Variants in SIAH3 observed in about 807,000 individuals in gnomAD.
SIAH3 encodes seven in absentia homolog 3.
SIAH3 carries 9 observed loss-of-function variants against 12.6 expected under a neutral mutation model. The observed-to-expected ratio is 0.72, with a 90% CI of 0.43 to 1.25. SIAH3 has a LOEUF of 1.25. SIAH3 is among the 50% of genes most tolerant of loss of function. The pLI, the probability that SIAH3 is intolerant of heterozygous loss-of-function variation, is 0.00. For synonymous variants in SIAH3, 154 were observed against 151.1 expected (o/e 1.02, Z -0.14); for missense variants, 390 against 365.4 (o/e 1.07, Z -0.55).
chr13:45,838,966 G>A (rs1950729257), intron 1 of SIAH3, among the ~76,000 whole-genome samples: 1 of 152,112 alleles, frequency 6.6e-6, no homozygotes, highest in African/African-American at 2.4e-5. Context: ...AAAAGAAAAT[G>A]TTGGAAGGGC....
intron 1 of SIAH3, among the ~76,000 whole-genome samples, chr13:45,802,430 G>A (rs940050783): frequency 6.6e-6 from 1 of 152,196 alleles, no homozygotes; most frequent in African/African-American, 2.4e-5. Context: ...GGTGCAGTGA[G>A]GCAGTGAAGG....
At chr13:45,821,827 G>C (rs1054063063) in intron 1 of SIAH3, among the ~76,000 whole-genome samples, 21 of 152,212 alleles carry the variant, frequency 1.4e-4, no homozygotes, top group Non-Finnish European at 2.4e-4. Flanking sequence ...GGTAGGAAGA[G>C]AGAACAAGAA....
chr13:45,833,503 A>G (rs7992767), intron 1 of SIAH3, among the ~76,000 whole-genome samples: 4,074 of 152,058 alleles, frequency 0.027, 227 homozygotes, highest in African/African-American at 0.092. Context: ...GCACACACAC[A>G]CACACGGCAG....
At chr13:45,847,677 G>T (rs1593390805) in intron 1 of SIAH3, among the ~76,000 whole-genome samples, 1 of 150,434 alleles carries the variant, frequency 6.6e-6, no homozygotes, top group African/African-American at 2.4e-5. Context: ...TGCACCTCAA[G>T]GTTAATGGGG....
At chr13:45,811,971 C>T (rs1950617882) in intron 1 of SIAH3, among the ~76,000 whole-genome samples, 1 of 152,196 alleles carries the variant, frequency 6.6e-6, no homozygotes, top group Admixed American at 6.5e-5. Flanking sequence ...ACTGGAATCC[C>T]ATGGGAAGTC....
chr13:45,849,007 G>A (rs1388622109), intron 1 of SIAH3, among the ~76,000 whole-genome samples: 1 of 152,132 alleles, frequency 6.6e-6, no homozygotes, highest in African/African-American at 2.4e-5. Flanking sequence ...TTTTTTTGAG[G>A]TTACATGTGC....
intron 1 of SIAH3, among the ~76,000 whole-genome samples, chr13:45,795,655 A>T (rs893549010): frequency 7.2e-5 from 11 of 152,176 alleles, no homozygotes; most frequent in Non-Finnish European, 1.2e-4. Flanking sequence ...TTCTACCAGC[A>T]TCCATGAAAC....
intron 1 of SIAH3, among the ~76,000 whole-genome samples, chr13:45,843,531 C>G (rs1265456992): frequency 6.6e-6 from 1 of 152,146 alleles, no homozygotes; most frequent in Non-Finnish European, 1.5e-5. Flanking sequence ...AATGACAGGT[C>G]CCAGCTCGTT....
chr13:45,794,620 A>C (rs1950556652), intron 1 of SIAH3, among the ~76,000 whole-genome samples: 1 of 152,022 alleles, frequency 6.6e-6, no homozygotes, highest in Non-Finnish European at 1.5e-5. Flanking sequence ...TGGTTTTATA[A>C]AGGGCAGTTC....
chr13:45,826,445 A>ATGGGTGCGTGGG (rs1950676937), intron 1 of SIAH3, among the ~76,000 whole-genome samples: 5 of 46,540 alleles, frequency 1.1e-4, no homozygotes, highest in Admixed American at 3.4e-4. Context: ...GGATGCATGG[A>ATGGGTGCGTGGG]TGGATGGATG....
At chr13:45,819,559 G>A (rs575047364) in intron 1 of SIAH3, among the ~76,000 whole-genome samples, 18 of 152,328 alleles carry the variant, frequency 1.2e-4, no homozygotes, top group Non-Finnish European at 1.6e-4. Context: ...TTAGAAAAAG[G>A]AGGTTGTGGT....
chr13:45,816,078 C>T (rs562408104), intron 1 of SIAH3, among the ~76,000 whole-genome samples: 2 of 152,326 alleles, frequency 1.3e-5, no homozygotes, highest in Admixed American at 6.5e-5. Context: ...CATGCTCAGG[C>T]GCACACAGGC....
intron 1 of SIAH3, among the ~76,000 whole-genome samples, chr13:45,847,427 G>C (rs1950764042): frequency 6.6e-6 from 1 of 152,088 alleles, no homozygotes; most frequent in South Asian, 2.1e-4. Flanking sequence ...CCTGGTCTCT[G>C]CCTCCTCCTC....
Position 45,780,822 on chromosome 13 carries a change from C to T in SIAH3, c.*2561G>A, listed in dbSNP as rs963700891. The T allele has an allele frequency of 6.6e-6, 1 of 152,138 alleles. No individual in the cohort carries two copies. The highest frequency in any genetic ancestry group is 6.5e-5 in the Admixed American group (1 of 15,270). 9.4% of individuals were successfully genotyped at this position (152,138 alleles called of 1,614,324 possible). ...AAAAGATCACTTCATGTCTTAGAAC[C>T]TCTATTCTGTTAGTATATTGAGGAT... On this transcript the variant is annotated 3_prime_UTR_variant, in exon 2 of 2. Transcript: ENST00000400405.
In SIAH3 at chr13:45,782,809, T is replaced by C. The variant is rs1314204303; in HGVS notation, c.*574A>G. ...TCTAGCCCAGTCCCCAGCCCTGCGG[T>C]GGAGACACGATCTCCTCATGCCCGG... On this transcript the variant is annotated 3_prime_UTR_variant, in exon 2 of 2. Transcript: ENST00000400405. The C allele has an allele frequency of 1.3e-5, 2 of 152,200 alleles. No homozygotes were observed. Among genetic ancestry groups the C allele is most frequent in the Admixed American group, 6.6e-5 (1 of 15,266 alleles). 9.4% of individuals were successfully genotyped at this position (152,200 alleles called of 1,614,324 possible). A position where few individuals can be genotyped will look rare whatever the true frequency, so the allele number is the denominator to read the frequency against.
At chr13:45,831,247 T>C (rs1207360286) in intron 1 of SIAH3, among the ~76,000 whole-genome samples, 2 of 151,964 alleles carry the variant, frequency 1.3e-5, no homozygotes, top group East Asian at 1.9e-4. Flanking sequence ...GAATCGTCTA[T>C]GTAATAATGA....
intron 1 of SIAH3, among the ~76,000 whole-genome samples, chr13:45,836,947 A>T (rs1950719935): frequency 6.6e-6 from 1 of 152,140 alleles, no homozygotes; most frequent in Non-Finnish European, 1.5e-5. Context: ...CAGAGAGTAA[A>T]AGAGAATTGC....
chr13:45,777,720 C>T lies in SIAH3; in HGVS notation c.*5663G>A, dbSNP rs1950489448. 6.6e-6 allele frequency: 1 copy of T among 152,250 alleles called. No homozygotes were observed. The highest frequency in any genetic ancestry group is 1.5e-5 in the Non-Finnish European group (1 of 68,052). The allele number at this position is 152,250 out of a possible 1,614,324, so 9.4% of individuals were successfully genotyped here. A position where few individuals can be genotyped will look rare whatever the true frequency, so the allele number is the denominator to read the frequency against. On this transcript the variant is annotated 3_prime_UTR_variant, in exon 2 of 2. Transcript: ENST00000400405. ...TTAACAATCTGACTAGGAGACGCCA[C>T]TCATGATGCTATTTGCAGCTGAACC...
At chr13:45,820,172 C>G (rs773371282) in intron 1 of SIAH3, among the ~76,000 whole-genome samples, 1 of 152,192 alleles carries the variant, frequency 6.6e-6, no homozygotes, top group Non-Finnish European at 1.5e-5. Context: ...TAAGTTTCAA[C>G]CCTGAATTTA....
Sources: gnomAD v4.1 joint callset for allele counts (sites outside exome capture counted in the v4.1 genomes callset) on GRCh38, gnomAD v4.1.1 for gene constraint, MANE v1.5 for transcripts, NCBI Gene and HGNC (gene_info 2026-07-23, HGNC 2026-07-21) for gene names.